KCNIP2: variants seen among roughly 807,000 people sequenced by gnomAD.
The protein encoded by KCNIP2 is A-type potassium channel modulatory protein KCNIP2.
In KCNIP2, 19 loss-of-function variants were observed where a neutral mutation model predicts 39.0. That is an observed-to-expected ratio of 0.49 (90% CI 0.34 to 0.71). The LOEUF is 0.71. Among genes scored for constraint, KCNIP2 ranks in the 30% least tolerant of loss-of-function variants. The probability of loss-of-function intolerance (pLI) is 0.01; values close to 1 mark genes in which losing one functional copy is unlikely to be tolerated. For synonymous variants in KCNIP2, 111 were observed against 131.2 expected (o/e 0.85, Z 1.05); for missense variants, 261 against 346.0 (o/e 0.75, Z 1.95).
At chr10:101,839,815 C>T in intron 1 of KCNIP2, 1 of 1,610,158 alleles carries the variant, frequency 6.2e-7, no homozygotes, top group Non-Finnish European at 8.5e-7. Context: ...CAGCGGGCTC[C>T]GGCACCTGCG....
intron 2 of KCNIP2, among the ~76,000 whole-genome samples, chr10:101,830,806 CCA>C (rs1426790536): frequency 6.7e-6 from 1 of 149,836 alleles, no homozygotes; most frequent in Admixed American, 6.6e-5. Flanking sequence ...GGCACGCCCT[CCA>C]CACACATGCA....
At chr10:101,831,456 T>C (rs1343666996) in intron 1 of KCNIP2, among the ~76,000 whole-genome samples, 1 of 152,048 alleles carries the variant, frequency 6.6e-6, no homozygotes, top group Admixed American at 6.5e-5. Context: ...TACCCTTGGC[T>C]CAAGTGCCAT....
chr10:101,841,079 G>A (rs1398217550), intron 1 of KCNIP2, among the ~76,000 whole-genome samples: 1 of 152,212 alleles, frequency 6.6e-6, no homozygotes, highest in Non-Finnish European at 1.5e-5. Flanking sequence ...ACAGGGGTCC[G>A]GGCGGGGCTC....
At chr10:101,831,044 C>T (rs1319063823) in intron 2 of KCNIP2, 28 bp downstream of exon 2, 17 of 1,593,382 alleles carry the variant, frequency 1.1e-5, no homozygotes, top group Non-Finnish European at 1.5e-5. Context: ...TCGAGCCCCG[C>T]CCCCGGAAGC....
At chr10:101,839,798 C>T (rs759864921) in intron 1 of KCNIP2, 2 of 1,611,138 alleles carry the variant, frequency 1.2e-6, no homozygotes, top group Non-Finnish European at 1.7e-6. Flanking sequence ...GATCGCGCTG[C>T]CTGCCCCAGC....
At chr10:101,827,773 G>T (rs1465405619) in intron 8 of KCNIP2, 22 bp from the exon 9 acceptor site, 4 of 1,587,206 alleles carry the variant, frequency 2.5e-6, no homozygotes, top group East Asian at 4.5e-5. Context: ...TGGTCAGGCA[G>T]GGAGAACAGG....
intron 1 of KCNIP2, among the ~76,000 whole-genome samples, chr10:101,832,735 C>A (rs2066037564): frequency 6.6e-6 from 1 of 152,246 alleles, no homozygotes; most frequent in East Asian, 1.9e-4. Context: ...GGTGTAGTTG[C>A]CCGACTCGGG....
Position 101,827,270 on chromosome 10 carries a change from C to T in KCNIP2, c.*83G>A. On this transcript the variant is annotated 3_prime_UTR_variant, in exon 10 of 10. Transcript: ENST00000356640. ...CAGGGAGGCGTAGGATGAGGATAGA[C>T]CTGGGAAGAGAAGGGTGAGGTCCGC... 1 of 1,508,848 alleles carries T rather than the reference C, an allele frequency of 6.6e-7. No homozygotes were observed. Among genetic ancestry groups the T allele is most frequent in the Non-Finnish European group, 8.9e-7 (1 of 1,125,790 alleles). The allele number at this position is 1,508,848 out of a possible 1,614,324, so 93.5% of individuals were successfully genotyped here.
At chr10:101,841,239 G>GCC (rs1282371206) in intron 1 of KCNIP2, among the ~76,000 whole-genome samples, 2 of 152,338 alleles carry the variant, frequency 1.3e-5, no homozygotes, top group Admixed American at 6.5e-5. Context: ...AGCCTGATGG[G>GCC]CCGGGAAGAC....
chr10:101,835,154 G>A (rs2066114159), intron 1 of KCNIP2, among the ~76,000 whole-genome samples: 1 of 151,994 alleles, frequency 6.6e-6, no homozygotes, highest in Non-Finnish European at 1.5e-5. Context: ...TAATTTGGAG[G>A]GTGGGTCTAC....
At chr10:101,834,904 C>G (rs2066105130) in intron 1 of KCNIP2, among the ~76,000 whole-genome samples, 1 of 152,192 alleles carries the variant, frequency 6.6e-6, no homozygotes. Context: ...CATATGTCTC[C>G]TCTTATGTGT....
At position 101,828,752 on chromosome 10, in the gene KCNIP2, G is replaced by A. The variant is rs749516007; in HGVS notation, c.349-56C>T. 68 of 1,612,480 alleles carry A rather than the reference G, an allele frequency of 4.2e-5. No homozygotes were observed. Among genetic ancestry groups the A allele is most frequent in the Non-Finnish European group, 5.6e-5 (66 of 1,178,870 alleles). On this transcript the variant is annotated intron_variant, in intron 4 of 9. Transcript: ENST00000356640. This position sits in a 1 kb window ranked among gnomAD's most constrained non-coding sequence, Gnocchi z 6.6. ...GAGACAAAATCCCCTTCCGTTCACCGCCCCCACCCTCCATGGCCCAAGACT... is the reference window on the plus strand; with the variant it reads ...GAGACAAAATCCCCTTCCGTTCACCACCCCCACCCTCCATGGCCCAAGACT...
In KCNIP2 at chr10:101,840,590, A is replaced by C. The variant is rs1358607042; in HGVS notation, c.73+2906T>G. Among the ~76,000 whole-genome samples the C allele has an allele frequency of 3.9e-5, 4 of 102,828 alleles. No homozygotes were observed. The Admixed American group carries it at 6.2e-4, about 16-fold the overall frequency. 67.5% of individuals were successfully genotyped at this position (102,828 alleles called of 152,430 possible). A position where few individuals can be genotyped will look rare whatever the true frequency, so the allele number is the denominator to read the frequency against. ...CGGTCCCGCTGCGCCCCTTTCCTGGACTCCGGACTCATCTCTATCAGGTTA... is the reference window on the plus strand; with the variant it reads ...CGGTCCCGCTGCGCCCCTTTCCTGGCCTCCGGACTCATCTCTATCAGGTTA... On this transcript the variant is annotated intron_variant, in intron 1 of 9. Transcript: ENST00000356640.
chr10:101,828,966 C>A lies in KCNIP2; in HGVS notation c.348+109G>T. ...GAAGTTCAGTCTCAGGGCCTTGCCTCCCTTCCGCCCACACCTCAAGCATCC... is the reference window on the plus strand; with the variant it reads ...GAAGTTCAGTCTCAGGGCCTTGCCTACCTTCCGCCCACACCTCAAGCATCC... On this transcript the variant is annotated intron_variant, in intron 4 of 9. Transcript: ENST00000356640. The surrounding 1 kb of genome is among the most constrained non-coding windows in gnomAD (Gnocchi z 6.6). 1 of 1,534,516 alleles carries A rather than the reference C, an allele frequency of 6.5e-7. No homozygotes were observed. Among genetic ancestry groups the A allele is most frequent in the East Asian group, 2.3e-5 (1 of 42,554 alleles).
chr10:101,832,296 CTGTGTGTGTGTG>C lies in KCNIP2; in HGVS notation c.74-1141_74-1130del, dbSNP rs57005983. ...CACCCCCAGAGGACCCTCAGTGTTA[CTGTGTGTGTGTG>C]TGTGTGTGTGTGTGTGTGTGTGTGT... On this transcript the variant is annotated intron_variant, in intron 1 of 9. Coordinates refer to ENST00000356640, the MANE Select transcript of KCNIP2 (RefSeq NM_173191.3). 8.4e-3 allele frequency among the ~76,000 whole-genome samples: 1,171 copies of C among 140,050 alleles called. 12 individuals are homozygous for C. The highest frequency in any genetic ancestry group is 7.5e-3 in the Non-Finnish European group (489 of 65,120). 91.9% of individuals were successfully genotyped at this position (140,050 alleles called of 152,430 possible).
Position 101,838,430 on chromosome 10 carries a change from G to A in KCNIP2, c.73+5066C>T, listed in dbSNP as rs1448944620. ...GTTTAGCTTTGTCCCACCCCCCACC[G>A]CCACTGTTAACCCAGCCAGTGAAGA... is the stretch of plus-strand genomic sequence containing the variant. On this transcript the variant is annotated intron_variant, in intron 1 of 9. Transcript: ENST00000356640. The surrounding 1 kb of genome is among the most constrained non-coding windows in gnomAD (Gnocchi z 4.0). 1.7e-5 allele frequency among the ~76,000 whole-genome samples: 2 copies of A among 120,522 alleles called. No individual in the cohort carries two copies. The highest frequency in any genetic ancestry group is 3.2e-5 in the African/African-American group (1 of 31,742). The allele number at this position is 120,522 out of a possible 152,430, so 79.1% of individuals were successfully genotyped here.
chr10:101,830,982 G>T (rs557513134), intron 2 of KCNIP2, 90 bp downstream of exon 2: 1 of 1,173,362 alleles, frequency 8.5e-7, no homozygotes, highest in Non-Finnish European at 1.2e-6. Context: ...GCGCACACTC[G>T]CAGGCCTGGG....
intron 1 of KCNIP2, 30 bp from the exon 2 acceptor site, chr10:101,831,197 C>A: frequency 6.8e-7 from 1 of 1,460,492 alleles, no homozygotes; most frequent in South Asian, 1.2e-5. Flanking sequence ...CAGGAAGGCA[C>A]ATTAACTCCC....
At chr10:101,834,334 G>A (rs1350746371) in intron 1 of KCNIP2, 1 of 399,332 alleles carries the variant, frequency 2.5e-6, no homozygotes. Context: ...CGAGGACCAC[G>A]AGCACAGCAA....
Sources: allele counts gnomAD v4.1 joint callset (sites outside exome capture counted in the v4.1 genomes callset), GRCh38; gene constraint gnomAD v4.1.1; non-coding constraint Gnocchi (gnomAD v3.1); transcripts MANE v1.5; gene names NCBI Gene and HGNC (gene_info 2026-07-23, HGNC 2026-07-21).